CNTN5: variants seen among roughly 807,000 people sequenced by gnomAD.
CNTN5 encodes the protein contactin-5.
Under a neutral mutation model 129.1 loss-of-function variants are expected in CNTN5, and 77 were observed. The observed-to-expected ratio is 0.60, with a 90% confidence interval of 0.50 to 0.72. The LOEUF (loss-of-function observed/expected upper bound fraction) is 0.72, where lower values mean the gene tolerates loss of function less well. Ranked by LOEUF, CNTN5 falls within the 30% of genes least tolerant of loss-of-function variation. The pLI, the probability that CNTN5 is intolerant of heterozygous loss-of-function variation, is 0.00. For synonymous variants in CNTN5, 509 were observed against 465.6 expected, an observed-to-expected ratio of 1.09 and a Z score of -1.20; for missense variants, 1,478 against 1,328.8, an observed-to-expected ratio of 1.11 and a Z score of -1.75.
At chr11:99,418,133 T>C (rs985871916) in intron 2 of CNTN5, among the ~76,000 whole-genome samples, 1 of 152,150 alleles carries the variant, frequency 6.6e-6, no homozygotes, top group African/African-American at 2.4e-5. Context: ...AATCCAAGAT[T>C]ACACTTGCAA....
intron 1 of CNTN5, among the ~76,000 whole-genome samples, chr11:99,242,683 T>C (rs77743411): frequency 0.037 from 5,700 of 152,202 alleles, 365 homozygotes; most frequent in African/African-American, 0.13. Flanking sequence ...GTCATCTTTA[T>C]GTCCATAAAT....
At chr11:99,938,232 T>C (rs1950358272) in intron 7 of CNTN5, among the ~76,000 whole-genome samples, 1 of 152,022 alleles carries the variant, frequency 6.6e-6, no homozygotes, top group Non-Finnish European at 1.5e-5. Context: ...TTAATTACAT[T>C]CTAGGATTCT....
At chr11:99,717,018 A>T (rs534582730) in intron 3 of CNTN5, among the ~76,000 whole-genome samples, 2 of 152,142 alleles carry the variant, frequency 1.3e-5, no homozygotes, top group South Asian at 2.1e-4. Flanking sequence ...GCGTTGGTGA[A>T]ATTACAATTG....
chr11:99,795,797 C>G (rs1440155827), intron 3 of CNTN5, among the ~76,000 whole-genome samples: 1 of 152,064 alleles, frequency 6.6e-6, no homozygotes, highest in East Asian at 1.9e-4. Context: ...TGTTGTAACC[C>G]TGAGAGCAGT....
chr11:99,232,578 T>A (rs1861058462), intron 1 of CNTN5, among the ~76,000 whole-genome samples: 2 of 152,158 alleles, frequency 1.3e-5, no homozygotes, highest in South Asian at 4.1e-4. Context: ...TTTCTAGATA[T>A]TGTATCATGT....
At chr11:99,458,958 C>G (rs1440443501) in intron 2 of CNTN5, among the ~76,000 whole-genome samples, 1 of 151,934 alleles carries the variant, frequency 6.6e-6, no homozygotes, top group African/African-American at 2.4e-5. Context: ...GAATAATGAA[C>G]CTAGAGAGCT....
intron 3 of CNTN5, among the ~76,000 whole-genome samples, chr11:99,607,787 C>A (rs1443808549): frequency 1.5e-5 from 2 of 132,860 alleles, no homozygotes; most frequent in African/African-American, 2.7e-5. Flanking sequence ...ATGATGAGTT[C>A]ATATCCTTTG....
intron 3 of CNTN5, among the ~76,000 whole-genome samples, chr11:99,729,567 T>C (rs1432439753): frequency 2.0e-5 from 3 of 152,176 alleles, no homozygotes; most frequent in Admixed American, 6.5e-5. Context: ...ACTAGAGGGC[T>C]GGTTCTAGAT....
At chr11:99,117,490 G>T (rs996063330) in intron 1 of CNTN5, among the ~76,000 whole-genome samples, 1 of 151,956 alleles carries the variant, frequency 6.6e-6, no homozygotes, top group African/African-American at 2.4e-5. Flanking sequence ...CTTCTTTTGT[G>T]CAATATTATA....
chr11:99,142,465 T>A (rs1859569655), intron 1 of CNTN5, among the ~76,000 whole-genome samples: 1 of 152,090 alleles, frequency 6.6e-6, no homozygotes, highest in African/African-American at 2.4e-5. Context: ...AGGAGGGGTC[T>A]GCTGGTGTAG....
intron 13 of CNTN5, among the ~76,000 whole-genome samples, chr11:100,084,167 G>A (rs1440090526): frequency 6.6e-6 from 1 of 152,108 alleles, no homozygotes; most frequent in Non-Finnish European, 1.5e-5. Flanking sequence ...GCCTGGTTGT[G>A]CTCTCCACAT....
At chr11:99,556,009 A>C in intron 2 of CNTN5, 136 bp from the exon 3 acceptor site, 1 of 403,830 alleles carries the variant, frequency 2.5e-6, no homozygotes, top group East Asian at 3.6e-5. Flanking sequence ...ATTGCTGTCT[A>C]GTGCATATTA....
At chr11:100,153,674 C>T (rs907419163) in intron 13 of CNTN5, among the ~76,000 whole-genome samples, 6 of 151,942 alleles carry the variant, frequency 3.9e-5, no homozygotes, top group African/African-American at 1.4e-4. Context: ...GTATAAAAAG[C>T]CTTTCGCAAG....
intron 9 of CNTN5, among the ~76,000 whole-genome samples, chr11:100,014,586 AAAT>A (rs1326748714): frequency 4.6e-5 from 7 of 152,014 alleles, no homozygotes; most frequent in African/African-American, 1.2e-4. Flanking sequence ...TCTCAAAAAA[AAAT>A]AATAATAAAT....
intron 3 of CNTN5, among the ~76,000 whole-genome samples, chr11:99,636,914 G>T (rs547101815): frequency 9.2e-6 from 1 of 108,942 alleles, no homozygotes; most frequent in African/African-American, 3.0e-5. Context: ...TGGGGAGGCT[G>T]AGGCAGGAGA....
intron 12 of CNTN5, 104 bp from the exon 13 acceptor site, chr11:100,074,040 G>T: frequency 9.5e-7 from 1 of 1,053,308 alleles, no homozygotes; most frequent in Admixed American, 2.8e-5. Flanking sequence ...ATGATTTTAT[G>T]AGAAATGCCT....
intron 2 of CNTN5, among the ~76,000 whole-genome samples, chr11:99,525,526 G>A (rs556381428): frequency 1.3e-5 from 2 of 152,338 alleles, no homozygotes; most frequent in East Asian, 3.9e-4. Context: ...TTCACTTCAA[G>A]TTAGGATGAT....
intron 2 of CNTN5, among the ~76,000 whole-genome samples, chr11:99,368,460 A>G (rs1472068745): frequency 6.6e-6 from 1 of 151,910 alleles, no homozygotes; most frequent in African/African-American, 2.4e-5. Flanking sequence ...TGGACAACAT[A>G]GTGCAACTCT....
At chr11:100,037,068 C>A (rs923487431) in intron 9 of CNTN5, among the ~76,000 whole-genome samples, 1 of 152,030 alleles carries the variant, frequency 6.6e-6, no homozygotes, top group Non-Finnish European at 1.5e-5. Flanking sequence ...GGAATGCTTC[C>A]AGTTTTTGCC....
Sources: allele counts gnomAD v4.1 joint callset (sites outside exome capture counted in the v4.1 genomes callset), GRCh38; gene constraint gnomAD v4.1.1; transcripts MANE v1.5; gene names NCBI Gene and HGNC (gene_info 2026-07-23, HGNC 2026-07-21).